The following PPWD1 variants were observed in gnomAD, a reference collection of about 807,000 sequenced individuals.
The protein encoded by PPWD1 is peptidylprolyl isomerase domain and WD repeat-containing protein 1.
A neutral mutation model predicts 68.8 loss-of-function variants in PPWD1; 43 were observed. The ratio of observed to expected loss-of-function variants is 0.62; its 90% confidence interval spans 0.49 to 0.81. The LOEUF (loss-of-function observed/expected upper bound fraction) is 0.81, where lower values mean the gene tolerates loss of function less well. Among genes scored for constraint, PPWD1 ranks in the 30% least tolerant of loss-of-function variants. The probability of loss-of-function intolerance (pLI) is 0.00; values close to 1 mark genes in which losing one functional copy is unlikely to be tolerated. For synonymous variants in PPWD1, 232 were observed against 258.7 expected, an observed-to-expected ratio of 0.90 and a Z score of 0.99; for missense variants, 672 against 804.8, an observed-to-expected ratio of 0.83 and a Z score of 2.00.
intron 7 of PPWD1, 50 bp from the exon 8 acceptor site, chr5:65,582,987 AC>A (rs755327259): frequency 2.8e-6 from 4 of 1,449,852 alleles, no homozygotes; most frequent in Non-Finnish European, 3.7e-6. Context: ...TAAAATTTTT[AC>A]CAGATGAAAA....
At chr5:65,583,712 G>A (rs1753698302) in intron 8 of PPWD1, among the ~76,000 whole-genome samples, 1 of 152,180 alleles carries the variant, frequency 6.6e-6, no homozygotes, top group Admixed American at 6.5e-5. Flanking sequence ...TATTCAGGAG[G>A]TTAAGACAGG....
At chr5:65,576,745 G>A (rs1753304972) in intron 5 of PPWD1, 134 bp from the exon 6 acceptor site, 2 of 1,377,112 alleles carry the variant, frequency 1.5e-6, no homozygotes, top group East Asian at 2.5e-5. Context: ...CTCTTAAGAA[G>A]TACAAACAGT....
rs748295620 is a variant in PPWD1 at position 65,583,110 on chromosome 5, AAAG to A, written c.1430_1432del (p.Glu477del). 6.8e-6 allele frequency: 11 copies of A among 1,613,536 alleles called. No homozygotes were observed. The highest frequency in any genetic ancestry group is 7.6e-6 in the Non-Finnish European group (9 of 1,179,810). On this transcript the variant is annotated inframe_deletion, in exon 8 of 11. Coordinates refer to ENST00000261308, the MANE Select transcript of PPWD1 (RefSeq NM_015342.4). The stretch of plus-strand genomic sequence containing the variant: ...AGATGTTTTTAATGAGAAACCTTCT[AAAG>A]AAGAAGTCATGGCAGCTACTCAAGC...
At chr5:65,569,849 G>C in intron 3 of PPWD1, 29 bp from the exon 4 acceptor site, 1 of 1,577,418 alleles carries the variant, frequency 6.3e-7, no homozygotes, top group Non-Finnish European at 8.7e-7. Context: ...TTATTTACTA[G>C]AATGTTTTAA....
intron 2 of PPWD1, chr5:65,569,095 A>C: frequency 2.2e-6 from 1 of 446,648 alleles, no homozygotes; most frequent in South Asian, 1.6e-5. Flanking sequence ...TGTACAAAGT[A>C]CCTGACATAT....
chr5:65,583,294 C>CT, intron 8 of PPWD1, 75 bp downstream of exon 8: 1 of 1,294,488 alleles, frequency 7.7e-7, no homozygotes, highest in Non-Finnish European at 1.0e-6. Flanking sequence ...AACCATGCAA[C>CT]TTAAAATTCC....
intron 8 of PPWD1, among the ~76,000 whole-genome samples, chr5:65,583,451 A>C (rs552044726): frequency 9.1e-4 from 138 of 152,312 alleles, no homozygotes; most frequent in Non-Finnish European, 1.7e-3. Context: ...TGTATTGGCT[A>C]TGAAAGTGCT....
intron 7 of PPWD1, among the ~76,000 whole-genome samples, chr5:65,580,079 T>G (rs1226453035): frequency 3.3e-5 from 5 of 152,206 alleles, no homozygotes; most frequent in Non-Finnish European, 5.9e-5. Flanking sequence ...GGAATTTTTT[T>G]TTTCTCTTCT....
rs187920768 is a variant in PPWD1, at chr5:65,587,290, T to C, written c.1835T>C (p.Val612Ala). The C allele has an allele frequency of 7.4e-6, 12 of 1,611,862 alleles. No homozygotes were observed. In the East Asian group the frequency reaches 2.5e-4, roughly 33 times the overall value. Reference sequence around the variant, plus strand: ...AATAAGCATACAGTATTTGGACGAGTGACTAAAGGAATGGAAGTTGTACAG... The same window carrying C: ...AATAAGCATACAGTATTTGGACGAGCGACTAAAGGAATGGAAGTTGTACAG... ...LDNKHTVFGR[V>A]TKGMEVVQRI... Residue 612 changes from valine (V) to alanine (A), a missense_variant, in exon 11 of 11, where the codon GTG (valine) becomes GCG (alanine). Physicochemically the swap from Val to Ala is moderately conservative, Grantham distance 64. Coordinates refer to ENST00000261308, the MANE Select transcript of PPWD1 (RefSeq NM_015342.4).
chr5:65,587,155 G>T (rs758923821), intron 10 of PPWD1, 98 bp from the exon 11 acceptor site: 6 of 1,268,368 alleles, frequency 4.7e-6, no homozygotes, highest in Non-Finnish European at 6.4e-6. Context: ...ATGCTAAAGG[G>T]GAGCGTAAAC....
At chr5:65,564,318 CTTTTTTTTTTTTTT>C (rs550753414) in intron 1 of PPWD1, among the ~76,000 whole-genome samples, 5 of 117,230 alleles carry the variant, frequency 4.3e-5, no homozygotes, top group Non-Finnish European at 6.8e-5. Flanking sequence ...TTTTCTCTCT[CTTTTTTTTTTTTTT>C]TTTTTTTTTT....
rs139664723 is a variant in PPWD1 at position 65,587,328 on chromosome 5, G to A, written c.1873G>A (p.Val625Ile). ...GGAAGTTGTACAGAGGATCTCCAAC[G>A]TCAAAGTCAATCCCAAAACAGATAA... ...GMEVVQRISNVKVNPKTDKPY... is the reference protein window; with the variant it reads ...GMEVVQRISNIKVNPKTDKPY... Residue 625 changes from valine (V) to isoleucine (I), a missense_variant, in exon 11 of 11, where the codon GTC becomes ATC. Coordinates refer to ENST00000261308, the MANE Select transcript of PPWD1 (RefSeq NM_015342.4). The A allele has an allele frequency of 5.0e-6, 8 of 1,612,548 alleles. No individual in the cohort carries two copies. Among genetic ancestry groups the A allele is most frequent in the Admixed American group, 3.3e-5 (2 of 59,888 alleles).
chr5:65,577,956 A>G (rs1697481421), intron 6 of PPWD1, among the ~76,000 whole-genome samples: 3 of 152,338 alleles, frequency 2.0e-5, no homozygotes, highest in South Asian at 4.1e-4. Flanking sequence ...GAAATGTATA[A>G]TGGCATGTAT....
At chr5:65,569,309 C>T (rs1752909962) in intron 2 of PPWD1, 1 of 278,848 alleles carries the variant, frequency 3.6e-6, no homozygotes, top group South Asian at 3.6e-5. Flanking sequence ...TGTGAAAAGA[C>T]TGTCTGTAGG....
intron 6 of PPWD1, among the ~76,000 whole-genome samples, chr5:65,578,125 T>C (rs1753391116): frequency 6.6e-6 from 1 of 152,254 alleles, no homozygotes. Context: ...GATTGGCTCC[T>C]TTCGGTAATA....
At position 65,573,481 on chromosome 5, in the gene PPWD1, T is replaced by TATATATATATATAA. The variant is rs1304267719; in HGVS notation, c.969+1195_969+1196insATATATATATATAA. Among the ~76,000 whole-genome samples the TATATATATATATAA allele has an allele frequency of 2.9e-3, 271 of 93,416 alleles. 12 individuals carry two copies. The highest frequency in any genetic ancestry group is 7.1e-3 in the African/African-American group (138 of 19,308). The allele number at this position is 93,416 out of a possible 152,430, so 61.3% of individuals were successfully genotyped here. On this transcript the variant is annotated intron_variant, in intron 5 of 10. Transcript: ENST00000261308. The stretch of plus-strand genomic sequence containing the variant: ...CTAATATATATATATATATATTTTT[T>TATATATATATATAA]TTTTATTAGAGATGGGTTTTTTTTA...
intron 1 of PPWD1, among the ~76,000 whole-genome samples, chr5:65,566,199 G>A (rs1371104445): frequency 1.3e-5 from 2 of 152,256 alleles, no homozygotes; most frequent in East Asian, 1.9e-4. Flanking sequence ...CCAAAATAAC[G>A]ATGTTGAAGA....
intron 4 of PPWD1, 37 bp downstream of exon 4, chr5:65,570,035 T>G: frequency 6.5e-7 from 1 of 1,529,730 alleles, no homozygotes. Context: ...TTTAACTTAT[T>G]GAAGTAATTT....
chr5:65,583,495 A>G (rs1753689789), intron 8 of PPWD1, among the ~76,000 whole-genome samples: 1 of 152,212 alleles, frequency 6.6e-6, no homozygotes, highest in Non-Finnish European at 1.5e-5. Flanking sequence ...ACAAATGTGT[A>G]TCACTGTTAC....
Sources: gnomAD v4.1 joint callset for allele counts (sites outside exome capture counted in the v4.1 genomes callset) on GRCh38, gnomAD v4.1.1 for gene constraint, MANE v1.5 for transcripts, NCBI Gene and HGNC (gene_info 2026-07-23, HGNC 2026-07-21) for gene names.